Variants in GALNT7 observed in about 807,000 individuals in gnomAD.
GALNT7 encodes polypeptide N-acetylgalactosaminyltransferase 7.
GALNT7 carries 60 observed loss-of-function variants against 82.1 expected under a neutral mutation model. That is an observed-to-expected ratio of 0.73 (90% CI 0.59 to 0.91). The LOEUF (loss-of-function observed/expected upper bound fraction) is 0.91. Among genes scored for constraint, GALNT7 ranks in the 40% least tolerant of loss-of-function variants. The pLI, the probability that GALNT7 is intolerant of heterozygous loss-of-function variation, is 0.00. For missense variants in GALNT7, 660 were observed against 804.2 expected (o/e 0.82, Z 2.17); for synonymous variants, 243 against 275.1 (o/e 0.88, Z 1.15).
intron 2 of GALNT7, among the ~76,000 whole-genome samples, chr4:173,291,017 T>G (rs1379566410): frequency 6.6e-6 from 1 of 152,208 alleles, no homozygotes; most frequent in African/African-American, 2.4e-5. Context: ...AATTCCGTCC[T>G]GTCTCCCATT....
At chr4:173,226,718 C>T (rs1303497581) in intron 1 of GALNT7, among the ~76,000 whole-genome samples, 1 of 152,114 alleles carries the variant, frequency 6.6e-6, no homozygotes, top group African/African-American at 2.4e-5. Context: ...GAAACACGTC[C>T]ACCTCCTCCT....
chr4:173,200,273 G>A (rs1299154661), intron 1 of GALNT7, among the ~76,000 whole-genome samples: 1 of 151,020 alleles, frequency 6.6e-6, no homozygotes, highest in South Asian at 2.2e-4. Context: ...AAAATGTCAG[G>A]TATTTCCATT....
At position 173,292,293 on chromosome 4, in the gene GALNT7, A is replaced by AC; in HGVS notation, c.754+20dup. The AC allele has an allele frequency of 1.4e-6, 2 of 1,435,210 alleles. No homozygotes were observed. The allele number at this position is 1,435,210 out of a possible 1,614,324, so 88.9% of individuals were successfully genotyped here. On this transcript the variant is annotated intron_variant, in intron 3 of 11. Coordinates refer to ENST00000265000, the MANE Select transcript of GALNT7 (RefSeq NM_017423.3). This position sits in a 1 kb window ranked among gnomAD's most constrained non-coding sequence, Gnocchi z 4.8. ...AATAAAGGTAATGGCTGTGAAACTC[A>AC]CATTTTGTCTATAAAATAAGTTAAG...
Position 173,302,068 on chromosome 4 carries a change from A to T in GALNT7, c.1170A>T (p.Gly390=). The change falls in exon 7 of 12, where the codon GGA becomes GGT. Residue 390 remains glycine (G), a synonymous_variant. Transcript: ENST00000265000. The surrounding 1 kb of genome is among the most constrained non-coding windows in gnomAD (Gnocchi z 4.2). ...EPYRSPAMAG[G]LFAIEREFFF... Reference sequence around the variant, plus strand: ...TTAGGTCCCCAGCCATGGCTGGGGGATTATTTGCCATTGAACGAGAGTTCT... The same window carrying T: ...TTAGGTCCCCAGCCATGGCTGGGGGTTTATTTGCCATTGAACGAGAGTTCT... 1 of 1,571,702 alleles carries T rather than the reference A, an allele frequency of 6.4e-7. No homozygotes were observed. The highest frequency in any genetic ancestry group is 1.1e-5 in the South Asian group (1 of 90,214).
intron 2 of GALNT7, among the ~76,000 whole-genome samples, chr4:173,253,801 G>A (rs886929947): frequency 6.6e-6 from 1 of 152,162 alleles, no homozygotes; most frequent in Non-Finnish European, 1.5e-5. Flanking sequence ...TTCATGCAGA[G>A]CCAGTCAGGA....
intron 2 of GALNT7, among the ~76,000 whole-genome samples, chr4:173,272,238 A>G (rs1158082489): frequency 1.3e-5 from 2 of 151,886 alleles, no homozygotes; most frequent in Non-Finnish European, 2.9e-5. Flanking sequence ...TCCTTTGGTA[A>G]TGGTCTCCCC....
intron 1 of GALNT7, among the ~76,000 whole-genome samples, chr4:173,227,458 A>G (rs1341142106): frequency 2.0e-5 from 3 of 152,120 alleles, no homozygotes; most frequent in African/African-American, 7.2e-5. Flanking sequence ...CAGCCTCCCC[A>G]GTAGCTGGGA....
At chr4:173,311,626 A>G (rs891058279) in intron 8 of GALNT7, among the ~76,000 whole-genome samples, 1 of 152,156 alleles carries the variant, frequency 6.6e-6, no homozygotes, top group Non-Finnish European at 1.5e-5. Flanking sequence ...CAGAGTCACA[A>G]GGACAGTGTG....
chr4:173,240,855 A>C (rs1353416726), intron 1 of GALNT7, among the ~76,000 whole-genome samples: 1 of 152,154 alleles, frequency 6.6e-6, no homozygotes, highest in Admixed American at 6.6e-5. Context: ...TTTCACATTG[A>C]GATCCAGCTC....
chr4:173,175,851 T>C (rs918155003), intron 1 of GALNT7, among the ~76,000 whole-genome samples: 12 of 152,138 alleles, frequency 7.9e-5, no homozygotes, highest in African/African-American at 2.7e-4. Context: ...GGCAGGCGAA[T>C]CACTTGAGGT....
chr4:173,213,228 T>G (rs1041604804), intron 1 of GALNT7, among the ~76,000 whole-genome samples: 1 of 151,708 alleles, frequency 6.6e-6, no homozygotes, highest in African/African-American at 2.4e-5. Context: ...TCCTTTCTAG[T>G]TTTTTTTTCC....
chr4:173,245,835 G>A (rs1734608591), intron 1 of GALNT7, among the ~76,000 whole-genome samples: 1 of 152,118 alleles, frequency 6.6e-6, no homozygotes, highest in Non-Finnish European at 1.5e-5. Context: ...AGAATCTTCA[G>A]TTCTTCCTGA....
chr4:173,174,256 A>T (rs1731965895), intron 1 of GALNT7, among the ~76,000 whole-genome samples: 2 of 152,136 alleles, frequency 1.3e-5, no homozygotes, highest in African/African-American at 4.8e-5. Flanking sequence ...TTTTGCATAC[A>T]TCTACATTTT....
At chr4:173,213,197 A>T (rs1299196019) in intron 1 of GALNT7, among the ~76,000 whole-genome samples, 2 of 149,996 alleles carry the variant, frequency 1.3e-5, no homozygotes, top group Non-Finnish European at 3.0e-5. Context: ...AAAAAATGTG[A>T]TTTCTCGTTT....
chr4:173,316,217 C>CTT (rs1737596613), intron 9 of GALNT7: 3 of 152,568 alleles, frequency 2.0e-5, no homozygotes, highest in Admixed American at 2.0e-4. Flanking sequence ...GCCCCATGTC[C>CTT]TTACTGGTCC....
chr4:173,217,902 C>G (rs555505381), intron 1 of GALNT7, among the ~76,000 whole-genome samples: 1 of 152,202 alleles, frequency 6.6e-6, no homozygotes, highest in South Asian at 2.1e-4. Flanking sequence ...AAGATACTCC[C>G]TATAAAGCCA....
chr4:173,304,371 G>A (rs920000200), intron 8 of GALNT7, among the ~76,000 whole-genome samples: 2 of 151,378 alleles, frequency 1.3e-5, no homozygotes, highest in Non-Finnish European at 2.9e-5. Flanking sequence ...TGCACTCCCC[G>A]CTGGATGACA....
At chr4:173,275,382 T>A (rs1325829074) in intron 2 of GALNT7, among the ~76,000 whole-genome samples, 1 of 152,088 alleles carries the variant, frequency 6.6e-6, no homozygotes, top group Non-Finnish European at 1.5e-5. Flanking sequence ...ATAAGAAAGG[T>A]GTTGTCATGA....
chr4:173,255,952 C>T (rs1579959718), intron 2 of GALNT7, among the ~76,000 whole-genome samples: 1 of 152,164 alleles, frequency 6.6e-6, no homozygotes, highest in East Asian at 1.9e-4. Context: ...TGCATATTGG[C>T]TCCTGTGTGT....
Sources: allele counts gnomAD v4.1 joint callset (sites outside exome capture counted in the v4.1 genomes callset), GRCh38; gene constraint gnomAD v4.1.1; non-coding constraint Gnocchi (gnomAD v3.1); transcripts MANE v1.5; gene names NCBI Gene and HGNC (gene_info 2026-07-23, HGNC 2026-07-21).